ENOPH1: variants seen among roughly 807,000 people sequenced by gnomAD.
ENOPH1 encodes the protein enolase-phosphatase E1.
In ENOPH1, 14 loss-of-function variants were observed where a neutral mutation model predicts 31.1. The observed-to-expected ratio is 0.45, with a 90% confidence interval of 0.30 to 0.70. The LOEUF (loss-of-function observed/expected upper bound fraction) is 0.70, where lower values mean the gene tolerates loss of function less well. ENOPH1 is among the 30% of genes least tolerant of loss of function. ENOPH1 has a pLI of 0.09. For missense variants in ENOPH1, 243 were observed against 321.5 expected (o/e 0.76, Z 1.87); for synonymous variants, 127 against 123.2 (o/e 1.03, Z -0.21).
chr4:82,460,218 T>G lies in ENOPH1; in HGVS notation c.*98T>G, dbSNP rs983741867. On this transcript the variant is annotated 3_prime_UTR_variant, in exon 6 of 6. Transcript: ENST00000273920. ...AAAAGTAACTTACTTAAAAAACATATGTACACATATGTATGCAAGTATGTA... is the reference window on the plus strand; with the variant it reads ...AAAAGTAACTTACTTAAAAAACATAGGTACACATATGTATGCAAGTATGTA... 2 of 1,224,626 alleles carry G rather than the reference T, an allele frequency of 1.6e-6. No homozygotes were observed. Among genetic ancestry groups the G allele is most frequent in the Non-Finnish European group, 2.3e-6 (2 of 852,282 alleles). 75.9% of individuals were successfully genotyped at this position (1,224,626 alleles called of 1,614,324 possible). A position where few individuals can be genotyped will look rare whatever the true frequency, so the allele number is the denominator to read the frequency against.
intron 4 of ENOPH1, among the ~76,000 whole-genome samples, chr4:82,455,204 G>C (rs1051035346): frequency 1.3e-5 from 2 of 152,138 alleles, no homozygotes; most frequent in Non-Finnish European, 2.9e-5. Context: ...AGAAGAACCA[G>C]CATTATTATA....
intron 3 of ENOPH1, among the ~76,000 whole-genome samples, chr4:82,451,578 T>C (rs1002792631): frequency 1.4e-4 from 22 of 152,218 alleles, no homozygotes; most frequent in African/African-American, 5.3e-4. Context: ...TCCGTTGGGC[T>C]GCTTGCCTGG....
rs1398113187 is a variant in ENOPH1, at chr4:82,440,401, T to A, written c.85-7519T>A. Among the ~76,000 whole-genome samples, 3 of 152,162 alleles carry A rather than the reference T, an allele frequency of 2.0e-5. No individual in the cohort carries two copies. The East Asian group carries it at 5.8e-4, about 29-fold the overall frequency. On this transcript the variant is annotated intron_variant, in intron 1 of 5. Transcript: ENST00000273920. ...CTTGAAGTCATTCACCCGTGAGAGC[T>A]GGATGGCTTCAGGTGTTGGGATTTG...
intron 1 of ENOPH1, among the ~76,000 whole-genome samples, chr4:82,446,616 A>ATGGATTAC (rs1722190712): frequency 6.8e-6 from 1 of 146,690 alleles, no homozygotes; most frequent in Non-Finnish European, 1.5e-5. Flanking sequence ...TTCCTAATGC[A>ATGGATTAC]TGGATTACTG....
chr4:82,448,266 T>G lies in ENOPH1; in HGVS notation c.186+245T>G, dbSNP rs191629539. The stretch of plus-strand genomic sequence containing the variant: ...TTTTTGTTTTGTTTTGTTTTGTTTT[T>G]TTTGTTTTTTTTTGAGATGGAGTCT... On this transcript the variant is annotated intron_variant, in intron 2 of 5. Transcript: ENST00000273920. 9.4e-3 allele frequency among the ~76,000 whole-genome samples: 1,247 copies of G among 132,500 alleles called. 5 individuals carry two copies. Among genetic ancestry groups the G allele is most frequent in the Non-Finnish European group, 0.012 (657 of 55,610 alleles). The allele number at this position is 132,500 out of a possible 152,430, so 86.9% of individuals were successfully genotyped here.
Position 82,430,738 on chromosome 4 carries a change from G to A in ENOPH1, c.-92G>A. 1.6e-6 allele frequency: 2 copies of A among 1,250,000 alleles called. No homozygotes were observed. Among genetic ancestry groups the A allele is most frequent in the South Asian group, 2.4e-5 (2 of 81,746 alleles). The allele number at this position is 1,250,000 out of a possible 1,614,324, so 77.4% of individuals were successfully genotyped here. A position where few individuals can be genotyped will look rare whatever the true frequency, so the allele number is the denominator to read the frequency against. ...CCGAGATCGCGCGGGGCCGCCGGAA[G>A]CCCAAGACGGTACCGGGGGCCGCAG... On this transcript the variant is annotated 5_prime_UTR_variant, in exon 1 of 6. Coordinates refer to ENST00000273920, the MANE Select transcript of ENOPH1 (RefSeq NM_021204.5).
chr4:82,434,746 A>G (rs962619731), intron 1 of ENOPH1, among the ~76,000 whole-genome samples: 1 of 151,956 alleles, frequency 6.6e-6, no homozygotes, highest in Non-Finnish European at 1.5e-5. Flanking sequence ...AAAGGAATAA[A>G]TAATTCAAAA....
At chr4:82,442,886 G>C (rs746887315) in intron 1 of ENOPH1, among the ~76,000 whole-genome samples, 4 of 152,158 alleles carry the variant, frequency 2.6e-5, no homozygotes, top group Non-Finnish European at 5.9e-5. Context: ...GTGCAGTGGC[G>C]TGATCTTGGC....
chr4:82,451,200 G>C lies in ENOPH1; in HGVS notation c.344G>C (p.Gly115Ala). ...RKTTALKQLQGHMWRAAFTAG... is the reference protein window; with the variant it reads ...RKTTALKQLQAHMWRAAFTAG... ...ACCACTGCACTCAAACAGCTGCAGGGCCACATGTGGAGGGCGGCATTCACA... is the reference window on the plus strand; with the variant it reads ...ACCACTGCACTCAAACAGCTGCAGGCCCACATGTGGAGGGCGGCATTCACA... Residue 115 changes from glycine to alanine, a missense_variant, in exon 3 of 6, where the codon GGC becomes GCC. Gly to Ala is a moderately conservative substitution (Grantham distance 60). Transcript: ENST00000273920. The C allele has an allele frequency of 6.2e-7, 1 of 1,614,220 alleles. No individual in the cohort carries two copies.
At chr4:82,436,308 T>A (rs552807953) in intron 1 of ENOPH1, among the ~76,000 whole-genome samples, 7 of 152,272 alleles carry the variant, frequency 4.6e-5, no homozygotes, top group Admixed American at 4.6e-4. Context: ...TTCATGGTAG[T>A]ACGTGAGAGG....
intron 5 of ENOPH1, among the ~76,000 whole-genome samples, chr4:82,458,292 A>C (rs1057065659): frequency 6.6e-6 from 1 of 152,172 alleles, no homozygotes; most frequent in Admixed American, 6.5e-5. Context: ...GGATCATTTG[A>C]GGTCAGGAAT....
At chr4:82,437,075 C>T (rs960950067) in intron 1 of ENOPH1, among the ~76,000 whole-genome samples, 4 of 151,910 alleles carry the variant, frequency 2.6e-5, no homozygotes, top group African/African-American at 9.7e-5. Flanking sequence ...ATAGCAAGAC[C>T]CTGTCTTAAA....
intron 4 of ENOPH1, among the ~76,000 whole-genome samples, chr4:82,455,601 A>G (rs1157397208): frequency 1.3e-5 from 2 of 148,478 alleles, no homozygotes; most frequent in African/African-American, 2.5e-5. Flanking sequence ...TAACATGGTG[A>G]AACCCCGTCT....
At chr4:82,458,474 C>T (rs1294214231) in intron 5 of ENOPH1, among the ~76,000 whole-genome samples, 3 of 152,166 alleles carry the variant, frequency 2.0e-5, no homozygotes, top group Admixed American at 6.5e-5. Flanking sequence ...CATGCCACTG[C>T]ACTCCAGCCT....
intron 4 of ENOPH1, among the ~76,000 whole-genome samples, chr4:82,456,215 CT>C (rs5859824): frequency 0.66 from 91,259 of 138,894 alleles, 30,538 homozygotes; most frequent in African/African-American, 0.81. Context: ...CTTAAAATTA[CT>C]TTTTTTTTTT....
intron 3 of ENOPH1, among the ~76,000 whole-genome samples, chr4:82,452,237 A>G (rs903733602): frequency 1.3e-5 from 2 of 151,712 alleles, no homozygotes; most frequent in African/African-American, 2.4e-5. Flanking sequence ...GGCTATTCAA[A>G]AAACATTTTT....
At chr4:82,450,092 C>G (rs1045943904) in intron 2 of ENOPH1, among the ~76,000 whole-genome samples, 1 of 152,146 alleles carries the variant, frequency 6.6e-6, no homozygotes, top group Admixed American at 6.5e-5. Context: ...GGATGTTTTA[C>G]TGTTAGGAAT....
chr4:82,450,026 A>G (rs1722307057), intron 2 of ENOPH1, among the ~76,000 whole-genome samples: 1 of 152,214 alleles, frequency 6.6e-6, no homozygotes, highest in South Asian at 2.1e-4. Context: ...CTGCAGAGCT[A>G]ACTCACTGGC....
intron 3 of ENOPH1, among the ~76,000 whole-genome samples, chr4:82,453,330 G>A (rs1018779893): frequency 1.3e-5 from 2 of 152,054 alleles, no homozygotes; most frequent in Admixed American, 6.5e-5. Flanking sequence ...TGTACTTTAC[G>A]AGGAGCTTCT....
Sources: allele counts gnomAD v4.1 joint callset (sites outside exome capture counted in the v4.1 genomes callset), GRCh38; gene constraint gnomAD v4.1.1; transcripts MANE v1.5; gene names NCBI Gene and HGNC (gene_info 2026-07-23, HGNC 2026-07-21).